Variants in OGFRL1 observed in about 807,000 individuals in gnomAD.
OGFRL1 encodes opioid growth factor receptor like 1.
A neutral mutation model predicts 32.4 loss-of-function variants in OGFRL1; 26 were observed. The observed-to-expected ratio is 0.80, with a 90% CI of 0.59 to 1.11. The LOEUF is 1.11. OGFRL1 is among the 50% of genes most tolerant of loss of function. OGFRL1 has a pLI of 0.00. For missense variants in OGFRL1, 521 were observed against 546.4 expected (o/e 0.95, Z 0.46); for synonymous variants, 211 against 201.2 (o/e 1.05, Z -0.41).
intron 1 of OGFRL1, chr6:71,289,405 C>T (rs1765970405): frequency 1.0e-6 from 1 of 984,964 alleles, no homozygotes; most frequent in Non-Finnish European, 1.2e-6. Flanking sequence ...GAGGGCACGG[C>T]GAGGAAGTCC....
At position 71,293,340 on chromosome 6, in the gene OGFRL1, T is replaced by A. The variant is rs776864339; in HGVS notation, c.282T>A (p.Tyr94Ter). 6.2e-7 allele frequency: 1 copy of A among 1,613,924 alleles called. No individual in the cohort carries two copies. The highest frequency in any genetic ancestry group is 8.5e-7 in the Non-Finnish European group (1 of 1,179,866). ...CTGCCAAACCAAAGAGAAGTTTTTATGCTGCCAGGGATTTGTACAAGTACC... is the reference window on the plus strand; with the variant it reads ...CTGCCAAACCAAAGAGAAGTTTTTAAGCTGCCAGGGATTTGTACAAGTACC... ...EATAKPKRSF[Y>*]AARDLYKYRH... Residue 94 changes from tyrosine to a stop codon, truncating the protein, a stop_gained, in exon 2 of 7, where the codon TAT becomes TAA. Coordinates refer to ENST00000370435, the MANE Select transcript of OGFRL1 (RefSeq NM_024576.5). LOFTEE classifies it high-confidence loss of function.
At position 71,301,764 on chromosome 6, in the gene OGFRL1, T is replaced by A; in HGVS notation, c.1071T>A (p.His357Gln). Residue 357 changes from histidine (H) to glutamine (Q), a missense_variant, in exon 7 of 7, where the codon CAT (histidine) becomes CAA (glutamine). Coordinates refer to ENST00000370435, the MANE Select transcript of OGFRL1 (RefSeq NM_024576.5). ...CCAAAAATTCCTCCTCAGCTGTTCA[T>A]TTAAATAGCAAAACAGCTGAAGACA... ...KDSKNSSSAV[H>Q]LNSKTAEDKK... is the part of the protein sequence containing the mutation. The A allele has an allele frequency of 6.2e-7, 1 of 1,613,926 alleles. No homozygotes were observed. Among genetic ancestry groups the A allele is most frequent in the Non-Finnish European group, 8.5e-7 (1 of 1,180,010 alleles).
rs1471888562 is a variant in OGFRL1 at position 71,307,840 on chromosome 6, A to C, written c.*5791A>C. On this transcript the variant is annotated 3_prime_UTR_variant, in exon 7 of 7. Coordinates refer to ENST00000370435, the MANE Select transcript of OGFRL1 (RefSeq NM_024576.5). Reference sequence around the variant, plus strand: ...GTGAAGAAAAATAAAATACAAATGAAATAAAAGTCTAGAAACAGCAACAGG... The same window carrying C: ...GTGAAGAAAAATAAAATACAAATGACATAAAAGTCTAGAAACAGCAACAGG... 6.6e-6 allele frequency: 1 copy of C among 152,220 alleles called. No individual in the cohort carries two copies. The highest frequency in any genetic ancestry group is 1.5e-5 in the Non-Finnish European group (1 of 68,046). 9.4% of individuals were successfully genotyped at this position (152,220 alleles called of 1,614,324 possible).
intron 6 of OGFRL1, 90 bp from the exon 7 acceptor site, chr6:71,301,296 T>G (rs767003527): frequency 3.6e-6 from 4 of 1,108,952 alleles, no homozygotes; most frequent in Non-Finnish European, 5.2e-6. Flanking sequence ...GGCTTACATT[T>G]CCATAAAAAA....
At position 71,301,998 on chromosome 6, in the gene OGFRL1, C is replaced by T; in HGVS notation, c.1305C>T (p.Asp435=). Residue 435 remains aspartate, a synonymous_variant, in exon 7 of 7, where the codon GAC becomes GAT. Transcript: ENST00000370435. ...NNEEGGNDNQ[D]NENPGNTNCH... Reference sequence around the variant, plus strand: ...AAGAAGGTGGAAATGATAACCAAGACAATGAAAATCCTGGAAATACAAATT... The same window carrying T: ...AAGAAGGTGGAAATGATAACCAAGATAATGAAAATCCTGGAAATACAAATT... The T allele has an allele frequency of 6.3e-7, 1 of 1,597,398 alleles. No individual in the cohort carries two copies. Among genetic ancestry groups the T allele is most frequent in the South Asian group, 1.1e-5 (1 of 88,102 alleles).
chr6:71,291,545 T>A (rs1012480316), intron 1 of OGFRL1: 1 of 152,132 alleles, frequency 6.6e-6, no homozygotes. Flanking sequence ...ATTTTGATGA[T>A]CCAGGAAAGA....
intron 6 of OGFRL1, among the ~76,000 whole-genome samples, chr6:71,300,811 T>TA (rs1307609215): frequency 1.3e-5 from 2 of 152,202 alleles, no homozygotes; most frequent in East Asian, 3.9e-4. Flanking sequence ...CCCATGCTCT[T>TA]AACTGTTAAA....
rs977852485 is a variant in OGFRL1 at position 71,306,444 on chromosome 6, A to G, written c.*4395A>G. On this transcript the variant is annotated 3_prime_UTR_variant, in exon 7 of 7. Coordinates refer to ENST00000370435, the MANE Select transcript of OGFRL1 (RefSeq NM_024576.5). ...TCCCTTATTATTGAAATGAATAATA[A>G]TATAGCTATAAATATGAATGTCTGG... 1 of 152,204 alleles carries G rather than the reference A, an allele frequency of 6.6e-6. No individual in the cohort carries two copies. The highest frequency in any genetic ancestry group is 1.9e-4 in the East Asian group (1 of 5,202). The allele number at this position is 152,204 out of a possible 1,614,324, so 9.4% of individuals were successfully genotyped here.
rs1358037322 is a variant in OGFRL1 at position 71,305,270 on chromosome 6, CATATATCA to C, written c.*3223_*3230del. ...GAACATTTCTAATATTTTGTGCTTT[CATATATCA>C]AAGGAGATTATGTGAAACTATTTTT... On this transcript the variant is annotated 3_prime_UTR_variant, in exon 7 of 7. Coordinates refer to ENST00000370435, the MANE Select transcript of OGFRL1 (RefSeq NM_024576.5). The C allele has an allele frequency of 6.6e-6, 1 of 151,896 alleles. No individual in the cohort carries two copies. Among genetic ancestry groups the C allele is most frequent in the Non-Finnish European group, 1.5e-5 (1 of 67,876 alleles). The allele number at this position is 151,896 out of a possible 1,614,324, so 9.4% of individuals were successfully genotyped here.
intron 6 of OGFRL1, among the ~76,000 whole-genome samples, chr6:71,299,341 A>G (rs1766313205): frequency 6.6e-6 from 1 of 152,156 alleles, no homozygotes; most frequent in African/African-American, 2.4e-5. Flanking sequence ...GTCTTTCACT[A>G]TGACATTTAT....
chr6:71,302,354 G>T lies in OGFRL1; in HGVS notation c.*305G>T. The T allele has an allele frequency of 4.9e-6, 1 of 205,186 alleles. No individual in the cohort carries two copies. Among genetic ancestry groups the T allele is most frequent in the Non-Finnish European group, 9.7e-6 (1 of 102,830 alleles). The allele number at this position is 205,186 out of a possible 1,614,324, so 12.7% of individuals were successfully genotyped here. On this transcript the variant is annotated 3_prime_UTR_variant, in exon 7 of 7. Transcript: ENST00000370435. ...CAGAGTATCTAGAAATTACCATGTA[G>T]TATTTGGTATACAAAATACATTCTT...
At position 71,307,568 on chromosome 6, in the gene OGFRL1, C is replaced by G. The variant is rs182325178; in HGVS notation, c.*5519C>G. 2.0e-3 allele frequency: 311 copies of G among 152,136 alleles called. No homozygotes were observed. The highest frequency in any genetic ancestry group is 7.2e-3 in the African/African-American group (297 of 41,536). The allele number at this position is 152,136 out of a possible 1,614,324, so 9.4% of individuals were successfully genotyped here. On this transcript the variant is annotated 3_prime_UTR_variant, in exon 7 of 7. Transcript: ENST00000370435. The stretch of plus-strand genomic sequence containing the variant: ...ACAGCTGTATATTAATATAAAATCT[C>G]TTTATAAAATGATTCAGAGAAAAGG...
chr6:71,288,855 G>C lies in OGFRL1; in HGVS notation c.-82G>C. The C allele has an allele frequency of 9.9e-7, 1 of 1,011,782 alleles. No individual in the cohort carries two copies. The highest frequency in any genetic ancestry group is 1.2e-6 in the Non-Finnish European group (1 of 837,912). The allele number at this position is 1,011,782 out of a possible 1,614,324, so 62.7% of individuals were successfully genotyped here. A position where few individuals can be genotyped will look rare whatever the true frequency, so the allele number is the denominator to read the frequency against. On this transcript the variant is annotated 5_prime_UTR_variant, in exon 1 of 7. Coordinates refer to ENST00000370435, the MANE Select transcript of OGFRL1 (RefSeq NM_024576.5). ...TAGGCTGCCGCCCAGCGCCCTCGCC[G>C]CGGCCATGCCCGGGCCCTAGAGCGC...
At chr6:71,295,646 T>C (rs553185345) in intron 3 of OGFRL1, 2 of 152,208 alleles carry the variant, frequency 1.3e-5, no homozygotes, top group African/African-American at 2.4e-5. Context: ...ACTGGCAGCA[T>C]TCTGTGAAGA....
chr6:71,299,272 T>C (rs958358589), intron 6 of OGFRL1, among the ~76,000 whole-genome samples: 3 of 152,190 alleles, frequency 2.0e-5, no homozygotes, highest in Non-Finnish European at 2.9e-5. Context: ...TCCTATAGTG[T>C]AACCCTAAGA....
chr6:71,289,531 C>G (rs1251547172), intron 1 of OGFRL1: 1 of 496,870 alleles, frequency 2.0e-6, no homozygotes, highest in Non-Finnish European at 2.5e-6. Flanking sequence ...GACAACCCCT[C>G]TAGTGTGTGT....
Position 71,308,753 on chromosome 6 carries a change from T to C in OGFRL1, c.*6704T>C, listed in dbSNP as rs1482018844. On this transcript the variant is annotated 3_prime_UTR_variant, in exon 7 of 7. Coordinates refer to ENST00000370435, the MANE Select transcript of OGFRL1 (RefSeq NM_024576.5). ...AAGAGCAATAGTTTTTGTTGCTTAC[T>C]GCTGTATTTTAAAATATTGTTTCTA... 6.6e-6 allele frequency: 1 copy of C among 152,236 alleles called. No homozygotes were observed. Among genetic ancestry groups the C allele is most frequent in the Admixed American group, 6.5e-5 (1 of 15,282 alleles). The allele number at this position is 152,236 out of a possible 1,614,324, so 9.4% of individuals were successfully genotyped here. A position where few individuals can be genotyped will look rare whatever the true frequency, so the allele number is the denominator to read the frequency against.
At chr6:71,299,009 A>G (rs1766302392) in intron 6 of OGFRL1, among the ~76,000 whole-genome samples, 1 of 152,202 alleles carries the variant, frequency 6.6e-6, no homozygotes, top group Non-Finnish European at 1.5e-5. Context: ...GACCTTGACT[A>G]AAAGAGGCAA....
chr6:71,305,970 T>G lies in OGFRL1; in HGVS notation c.*3921T>G, dbSNP rs1303113111. 1.3e-5 allele frequency: 2 copies of G among 152,226 alleles called. No individual in the cohort carries two copies. Among genetic ancestry groups the G allele is most frequent in the East Asian group, 3.8e-4 (2 of 5,208 alleles). The allele number at this position is 152,226 out of a possible 1,614,324, so 9.4% of individuals were successfully genotyped here. ...ACTATAATTGAGGCTCTTCTAAAGC[T>G]TTGTTTTCTAATCTAAGATACAAAG... On this transcript the variant is annotated 3_prime_UTR_variant, in exon 7 of 7. Transcript: ENST00000370435.
Sources: gnomAD v4.1 joint callset for allele counts (sites outside exome capture counted in the v4.1 genomes callset) on GRCh38, gnomAD v4.1.1 for gene constraint, MANE v1.5 for transcripts, NCBI Gene and HGNC (gene_info 2026-07-23, HGNC 2026-07-21) for gene names.